ARHGAP26: variants seen among roughly 807,000 people sequenced by gnomAD.
ARHGAP26 encodes rho GTPase-activating protein 26.
Under a neutral mutation model 104.8 loss-of-function variants are expected in ARHGAP26, and 38 were observed. The observed-to-expected ratio is 0.36, with a 90% confidence interval of 0.28 to 0.48. ARHGAP26 has a LOEUF of 0.48. ARHGAP26 is among the 20% of genes least tolerant of loss of function. The pLI, the probability that ARHGAP26 is intolerant of heterozygous loss-of-function variation, is 0.99. For synonymous variants in ARHGAP26, 341 were observed against 340.0 expected, an observed-to-expected ratio of 1.00 and a Z score of -0.03; for missense variants, 704 against 947.9, an observed-to-expected ratio of 0.74 and a Z score of 3.38.
intron 20 of ARHGAP26, among the ~76,000 whole-genome samples, chr5:143,188,847 A>G (rs572503121): frequency 1.3e-5 from 2 of 152,356 alleles, no homozygotes; most frequent in Non-Finnish European, 2.9e-5. Context: ...AAGGAGGTGT[A>G]ATAACTGTAG....
At chr5:143,171,233 AT>A (rs1195327226) in intron 20 of ARHGAP26, among the ~76,000 whole-genome samples, 2 of 152,138 alleles carry the variant, frequency 1.3e-5, no homozygotes, top group Non-Finnish European at 2.9e-5. Context: ...CAATATTCCC[AT>A]TTTACAGATG....
chr5:142,997,734 A>C (rs189642163), intron 11 of ARHGAP26, among the ~76,000 whole-genome samples: 3 of 150,434 alleles, frequency 2.0e-5, no homozygotes, highest in East Asian at 3.9e-4. Flanking sequence ...TGCCCTTTTC[A>C]CACTCCATTT....
chr5:142,882,564 T>A (rs1757153813), intron 4 of ARHGAP26, among the ~76,000 whole-genome samples: 1 of 152,150 alleles, frequency 6.6e-6, no homozygotes, highest in East Asian at 1.9e-4. Flanking sequence ...AATTTCCAAT[T>A]GTAGTAGGTT....
chr5:143,178,938 G>A (rs1168023929), intron 20 of ARHGAP26, among the ~76,000 whole-genome samples: 1 of 151,622 alleles, frequency 6.6e-6, no homozygotes, highest in African/African-American at 2.4e-5. Flanking sequence ...GATGCAATCT[G>A]GGCTCACTGC....
At chr5:142,949,176 A>AGAGAGAGAGAGAGAGAGAG (rs1767680394) in intron 11 of ARHGAP26, among the ~76,000 whole-genome samples, 3 of 3,108 alleles carry the variant, frequency 9.7e-4, no homozygotes, top group Non-Finnish European at 2.0e-3. Flanking sequence ...AGAGAGAGAG[A>AGAGAGAGAGAGAGAGAGAG]GAGAGAGAGA....
At chr5:142,964,523 CCTTG>C (rs1044826869) in intron 11 of ARHGAP26, among the ~76,000 whole-genome samples, 5 of 148,932 alleles carry the variant, frequency 3.4e-5, no homozygotes, top group Admixed American at 2.7e-4. Flanking sequence ...TGAGCTTATG[CCTTG>C]CTTTTCTCTG....
At chr5:143,144,664 T>C (rs938528679) in intron 19 of ARHGAP26, among the ~76,000 whole-genome samples, 1 of 152,236 alleles carries the variant, frequency 6.6e-6, no homozygotes, top group Non-Finnish European at 1.5e-5. Context: ...CACCTTGGCC[T>C]CTGAAGGCGA....
intron 1 of ARHGAP26, among the ~76,000 whole-genome samples, chr5:142,836,515 C>T (rs1278836142): frequency 6.6e-6 from 1 of 152,230 alleles, no homozygotes; most frequent in East Asian, 1.9e-4. Flanking sequence ...AAGAAGAAGT[C>T]TCCCATGCAC....
intron 3 of ARHGAP26, 35 bp downstream of exon 3, chr5:142,875,206 G>A (rs1755907575): frequency 1.2e-6 from 2 of 1,601,204 alleles, no homozygotes; most frequent in South Asian, 2.2e-5. Context: ...GTCCCAGATA[G>A]TATATTCGTG....
At chr5:142,872,593 C>A (rs1219259422) in intron 1 of ARHGAP26, among the ~76,000 whole-genome samples, 1 of 152,200 alleles carries the variant, frequency 6.6e-6, no homozygotes, top group African/African-American at 2.4e-5. Flanking sequence ...GTTGAAGACT[C>A]CGGAAGGATC....
chr5:142,770,740 C>G lies in ARHGAP26; in HGVS notation c.-22C>G, dbSNP rs764773783. The G allele has an allele frequency of 2.7e-4, 350 of 1,313,694 alleles. No individual in the cohort carries two copies. Among genetic ancestry groups the G allele is most frequent in the Non-Finnish European group, 2.3e-4 (233 of 1,018,660 alleles). The allele number at this position is 1,313,694 out of a possible 1,614,324, so 81.4% of individuals were successfully genotyped here. A position where few individuals can be genotyped will look rare whatever the true frequency, so the allele number is the denominator to read the frequency against. On this transcript the variant is annotated 5_prime_UTR_variant, in exon 1 of 23. Coordinates refer to ENST00000645722, the MANE Select transcript of ARHGAP26 (RefSeq NM_001135608.3). ...CCGGGCCCCGGCGGAGGCGCGCCCC[C>G]CGGCTGGGCGCCGCGCGCACCATGG...
At chr5:143,196,385 C>T (rs748708036) in intron 20 of ARHGAP26, among the ~76,000 whole-genome samples, 1 of 152,130 alleles carries the variant, frequency 6.6e-6, no homozygotes, top group Non-Finnish European at 1.5e-5. Context: ...ACTGCAAACA[C>T]GGAATTACTG....
chr5:142,790,435 C>T (rs1759563725), intron 1 of ARHGAP26, among the ~76,000 whole-genome samples: 1 of 152,270 alleles, frequency 6.6e-6, no homozygotes. Flanking sequence ...GGAATCATGA[C>T]CACCTGGAAC....
chr5:143,200,047 T>C (rs1807461063), intron 20 of ARHGAP26, among the ~76,000 whole-genome samples: 1 of 152,212 alleles, frequency 6.6e-6, no homozygotes, highest in Non-Finnish European at 1.5e-5. Flanking sequence ...TAAACATTGC[T>C]TCCACGTGGA....
At chr5:142,856,898 C>T (rs974367448) in intron 1 of ARHGAP26, among the ~76,000 whole-genome samples, 10 of 152,182 alleles carry the variant, frequency 6.6e-5, no homozygotes, top group African/African-American at 1.9e-4. Flanking sequence ...ACAACTGTAC[C>T]ATGAACTGGG....
intron 1 of ARHGAP26, among the ~76,000 whole-genome samples, chr5:142,830,724 C>A (rs1224034792): frequency 6.6e-6 from 1 of 152,134 alleles, no homozygotes; most frequent in Non-Finnish European, 1.5e-5. Flanking sequence ...CAGACAGATA[C>A]ACACACAAAA....
At chr5:143,201,381 A>G (rs1807699291) in intron 20 of ARHGAP26, among the ~76,000 whole-genome samples, 1 of 152,064 alleles carries the variant, frequency 6.6e-6, no homozygotes, top group Non-Finnish European at 1.5e-5. Flanking sequence ...TCCTCTTTTA[A>G]TTGTTTGTTA....
chr5:143,085,246 C>T (rs1790406126), intron 17 of ARHGAP26, among the ~76,000 whole-genome samples: 1 of 152,028 alleles, frequency 6.6e-6, no homozygotes, highest in Non-Finnish European at 1.5e-5. Flanking sequence ...GCCTGGCCTG[C>T]AGTAGGTGCT....
At chr5:143,160,273 A>T (rs900755096) in intron 20 of ARHGAP26, among the ~76,000 whole-genome samples, 12 of 151,844 alleles carry the variant, frequency 7.9e-5, no homozygotes, top group African/African-American at 2.2e-4. Flanking sequence ...GTTAGCCAGG[A>T]TGGTCTCAAT....
Sources: gnomAD v4.1 joint callset for allele counts (sites outside exome capture counted in the v4.1 genomes callset) on GRCh38, gnomAD v4.1.1 for gene constraint, MANE v1.5 for transcripts, NCBI Gene and HGNC (gene_info 2026-07-23, HGNC 2026-07-21) for gene names.